The following KCNAB1 variants were observed in gnomAD, a reference collection of about 807,000 sequenced individuals.
The protein encoded by KCNAB1 is voltage-gated potassium channel subunit beta-1.
Under a neutral mutation model 64.6 loss-of-function variants are expected in KCNAB1, and 35 were observed. That is an observed-to-expected ratio of 0.54 (90% CI 0.41 to 0.72). The LOEUF is 0.72. Among genes scored for constraint, KCNAB1 ranks in the 30% least tolerant of loss-of-function variants. The pLI, the probability that KCNAB1 is intolerant of heterozygous loss-of-function variation, is 0.00. For synonymous variants in KCNAB1, 177 were observed against 183.8 expected (o/e 0.96, Z 0.30); for missense variants, 401 against 512.9 (o/e 0.78, Z 2.11).
chr3:156,224,103 T>G (rs1043023299), intron 1 of KCNAB1, among the ~76,000 whole-genome samples: 50 of 152,132 alleles, frequency 3.3e-4, no homozygotes, highest in African/African-American at 1.2e-3. Context: ...GAAATCAAGC[T>G]CAGTGCCGGT....
intron 1 of KCNAB1, among the ~76,000 whole-genome samples, chr3:156,337,030 T>C (rs1723759957): frequency 6.6e-6 from 1 of 152,352 alleles, no homozygotes; most frequent in South Asian, 2.1e-4. Flanking sequence ...TATAAGTGAC[T>C]GCGATTATTG....
At chr3:156,176,841 A>C in intron 1 of KCNAB1, 1 of 1,018,156 alleles carries the variant, frequency 9.8e-7, no homozygotes, top group Non-Finnish European at 1.6e-6. Flanking sequence ...TCCCAACAGC[A>C]ACTCATGCCG....
At chr3:156,128,026 G>A (rs931236060) in intron 1 of KCNAB1, among the ~76,000 whole-genome samples, 2 of 152,138 alleles carry the variant, frequency 1.3e-5, no homozygotes, top group African/African-American at 2.4e-5. Context: ...CTAACTGGAC[G>A]TTGGTAAATT....
At chr3:156,167,181 T>G (rs1293094711) in intron 1 of KCNAB1, among the ~76,000 whole-genome samples, 1 of 152,180 alleles carries the variant, frequency 6.6e-6, no homozygotes, top group Admixed American at 6.5e-5. Flanking sequence ...CCTCTTTAGA[T>G]CTCTTCCTCT....
chr3:156,151,969 A>G (rs1299721704), intron 1 of KCNAB1, among the ~76,000 whole-genome samples: 1 of 152,214 alleles, frequency 6.6e-6, no homozygotes, highest in African/African-American at 2.4e-5. Context: ...AGGAAAGACT[A>G]TGACTAATTG....
rs1576757843 is a variant in KCNAB1 at position 156,349,343 on chromosome 3, A to G, written c.276-72273A>G. 3.3e-5 allele frequency among the ~76,000 whole-genome samples: 5 copies of G among 152,170 alleles called. No individual in the cohort carries two copies. In the South Asian group the frequency reaches 8.3e-4, roughly 25 times the overall value. ...GGCCCAGCCCTATGTTGGAAAGCCA[A>G]CCCATAAACAGTTCAGTACAACTCC... On this transcript the variant is annotated intron_variant, in intron 1 of 13. Coordinates refer to ENST00000490337, the MANE Select transcript of KCNAB1 (RefSeq NM_172160.3).
chr3:156,274,806 C>T (rs1333227838), intron 1 of KCNAB1, among the ~76,000 whole-genome samples: 1 of 152,118 alleles, frequency 6.6e-6, no homozygotes, highest in Non-Finnish European at 1.5e-5. Flanking sequence ...AAATAATCAC[C>T]ACAACCAAGG....
At chr3:156,200,438 G>A (rs1195426815) in intron 1 of KCNAB1, among the ~76,000 whole-genome samples, 1 of 152,200 alleles carries the variant, frequency 6.6e-6, no homozygotes, top group African/African-American at 2.4e-5. Context: ...CCTTCCTTTA[G>A]GTGCTCTGTC....
intron 1 of KCNAB1, among the ~76,000 whole-genome samples, chr3:156,377,505 G>A (rs1428824791): frequency 6.6e-6 from 1 of 152,200 alleles, no homozygotes; most frequent in East Asian, 1.9e-4. Flanking sequence ...ATACTTCAGA[G>A]GAGAGGGCAC....
At chr3:156,321,149 C>CTTTT (rs1241199159) in intron 1 of KCNAB1, among the ~76,000 whole-genome samples, 2 of 152,142 alleles carry the variant, frequency 1.3e-5, no homozygotes, top group Non-Finnish European at 2.9e-5. Flanking sequence ...CACACTTTTC[C>CTTTT]TTTCTTTTCT....
At chr3:156,275,587 G>C (rs1046286068) in intron 1 of KCNAB1, among the ~76,000 whole-genome samples, 3 of 152,304 alleles carry the variant, frequency 2.0e-5, no homozygotes, top group Non-Finnish European at 4.4e-5. Context: ...CTCTGCCACT[G>C]CTTGATCAAC....
intron 8 of KCNAB1, among the ~76,000 whole-genome samples, chr3:156,509,350 A>T (rs1042377215): frequency 1.3e-5 from 2 of 151,728 alleles, no homozygotes; most frequent in Non-Finnish European, 2.9e-5. Context: ...AGGCCCTGGG[A>T]TTTGCATTTG....
chr3:156,292,863 C>G (rs1411926487), intron 1 of KCNAB1, among the ~76,000 whole-genome samples: 1 of 152,158 alleles, frequency 6.6e-6, no homozygotes, highest in Non-Finnish European at 1.5e-5. Context: ...TTTGAAAGAC[C>G]AAGTTAACAA....
At chr3:156,190,261 A>G (rs931978684) in intron 1 of KCNAB1, among the ~76,000 whole-genome samples, 16 of 152,144 alleles carry the variant, frequency 1.1e-4, no homozygotes, top group Non-Finnish European at 1.5e-4. Flanking sequence ...ACGATTTGCA[A>G]TTGCCAACCT....
At chr3:156,325,322 C>G (rs1359816802) in intron 1 of KCNAB1, among the ~76,000 whole-genome samples, 1 of 152,104 alleles carries the variant, frequency 6.6e-6, no homozygotes, top group Non-Finnish European at 1.5e-5. Flanking sequence ...AGTTATGGGT[C>G]CCACTGTAGT....
chr3:156,231,293 C>G (rs7373565), intron 1 of KCNAB1, among the ~76,000 whole-genome samples: 73,569 of 151,952 alleles, frequency 0.48, 18,967 homozygotes, highest in East Asian at 0.8. Context: ...CATAAATTCT[C>G]ATCAGATGGG....
chr3:156,305,500 G>C (rs9289964), intron 1 of KCNAB1, among the ~76,000 whole-genome samples: 13,609 of 152,110 alleles, frequency 0.089, 1,888 homozygotes, highest in African/African-American at 0.3. Context: ...TATGAGACTT[G>C]TCCTCTTCAC....
At chr3:156,465,922 A>C (rs868654299) in intron 7 of KCNAB1, among the ~76,000 whole-genome samples, 74 of 152,324 alleles carry the variant, frequency 4.9e-4, no homozygotes, top group African/African-American at 1.7e-3. Flanking sequence ...TTCAGCTATT[A>C]CTAATATTAA....
chr3:156,286,587 A>C (rs12639005), intron 1 of KCNAB1, among the ~76,000 whole-genome samples: 3 of 152,204 alleles, frequency 2.0e-5, no homozygotes, highest in Admixed American at 2.0e-4. Flanking sequence ...GGTGATAGGA[A>C]AAAAATTTTT....
Sources: gnomAD v4.1 joint callset for allele counts (sites outside exome capture counted in the v4.1 genomes callset) on GRCh38, gnomAD v4.1.1 for gene constraint, MANE v1.5 for transcripts, NCBI Gene and HGNC (gene_info 2026-07-23, HGNC 2026-07-21) for gene names.